Variants in TRMT11 observed in about 807,000 individuals in gnomAD.
TRMT11 encodes the protein tRNA (guanine(10)-N(2))-methyltransferase TRMT11.
Under a neutral mutation model 62.8 loss-of-function variants are expected in TRMT11, and 53 were observed. The observed-to-expected ratio is 0.84, with a 90% CI of 0.68 to 1.06. The LOEUF is 1.06. Among genes scored for constraint, TRMT11 ranks in the 50% least tolerant of loss-of-function variants. TRMT11 has a pLI of 0.00. For synonymous variants in TRMT11, 188 were observed against 190.3 expected, an observed-to-expected ratio of 0.99 and a Z score of 0.10; for missense variants, 556 against 553.4, an observed-to-expected ratio of 1.00 and a Z score of -0.05.
intron 7 of TRMT11, among the ~76,000 whole-genome samples, chr6:126,005,829 C>G (rs756009496): frequency 2.6e-5 from 4 of 151,990 alleles, no homozygotes; most frequent in Non-Finnish European, 5.9e-5. Flanking sequence ...AGCCGTAGAT[C>G]TGATCCCCTC....
intron 18 of TRMT11, among the ~76,000 whole-genome samples, chr6:126,114,061 A>G (rs570918561): frequency 6.6e-6 from 1 of 152,196 alleles, no homozygotes; most frequent in East Asian, 1.9e-4. Flanking sequence ...ATATTTTAAA[A>G]TAGGATAGAG....
chr6:126,151,826 C>CTTTCTT (rs1554242226), intron 21 of TRMT11, among the ~76,000 whole-genome samples: 2 of 76,132 alleles, frequency 2.6e-5, no homozygotes, highest in African/African-American at 6.7e-5. Context: ...TTCTTTCTTT[C>CTTTCTT]TTTCTTTCTT....
Position 125,998,250 on chromosome 6 carries a change from TATAAA to T in TRMT11, c.328_332del (p.Ile110AspfsTer5). The T allele has an allele frequency of 6.2e-7, 1 of 1,600,812 alleles. No homozygotes were observed. The highest frequency in any genetic ancestry group is 8.6e-7 in the Non-Finnish European group (1 of 1,168,678). ...TCCATTTCTACATTCGGACTCTACATATAAAATAAAGATTCACACTTTTAATAAGA... is the reference window on the plus strand; with the variant it reads ...TCCATTTCTACATTCGGACTCTACATATAAAGATTCACACTTTTAATAAGA... On this transcript the variant is annotated frameshift_variant, in exon 5 of 13. Transcript: ENST00000334379. LOFTEE classifies it high-confidence loss of function.
chr6:126,091,856 G>A (rs558439537), intron 17 of TRMT11, among the ~76,000 whole-genome samples: 1 of 152,116 alleles, frequency 6.6e-6, no homozygotes, highest in Non-Finnish European at 1.5e-5. Flanking sequence ...TTTTCTGGCC[G>A]TAAAATCGCC....
chr6:126,053,957 T>G (rs1776294059), intron 17 of TRMT11, among the ~76,000 whole-genome samples: 1 of 152,040 alleles, frequency 6.6e-6, no homozygotes, highest in Non-Finnish European at 1.5e-5. Context: ...GAAAAGCATA[T>G]TTGGGTAACA....
At chr6:126,200,157 A>G (rs905737723) in intron 3 of TRMT11, among the ~76,000 whole-genome samples, 3 of 152,220 alleles carry the variant, frequency 2.0e-5, no homozygotes, top group Non-Finnish European at 2.9e-5. Context: ...AAAACAGAGA[A>G]GAACAGAAAG....
the TRMT11 span, among the ~76,000 whole-genome samples, chr6:126,244,948 A>G: frequency 6.6e-6 from 1 of 152,182 alleles, no homozygotes; most frequent in Non-Finnish European, 1.5e-5. Context: ...AAATTATGTA[A>G]AATATTCAAT....
At chr6:126,013,652 C>T (rs554905225) in intron 11 of TRMT11, among the ~76,000 whole-genome samples, 1 of 152,254 alleles carries the variant, frequency 6.6e-6, no homozygotes, top group East Asian at 1.9e-4. Flanking sequence ...TGGTCCTCAG[C>T]CTGTGTTTAT....
At position 126,012,875 on chromosome 6, in the gene TRMT11, G is replaced by A. The variant is rs1290104787; in HGVS notation, c.1007+23G>A. 8.1e-6 allele frequency: 13 copies of A among 1,609,460 alleles called. No individual in the cohort carries two copies. In the Admixed American group the frequency reaches 1.0e-4, roughly 12 times the overall value. On this transcript the variant is annotated intron_variant, in intron 10 of 12. Transcript: ENST00000334379. Reference sequence around the variant, plus strand: ...ATGGTAAGTGAAATTTAAATATGATGTGTTACTACCTTGAGAAGAGGCATG... The same window carrying A: ...ATGGTAAGTGAAATTTAAATATGATATGTTACTACCTTGAGAAGAGGCATG...
chr6:126,011,399 G>C lies in TRMT11; in HGVS notation c.907G>C (p.Asp303His), dbSNP rs777630466. ...TTCCTGGAGGAAGGGCACATATTTT[G>C]ATGCAATCATTACTGATCGTAAGTT... is the stretch of plus-strand genomic sequence containing the variant. ...KPSWRKGTYF[D>H]AIITDPPYGI... is the part of the protein sequence containing the mutation. The change falls in exon 9 of 13, where the codon GAT (aspartate) becomes CAT (histidine). Residue 303 changes from aspartate (D) to histidine (H), a missense_variant. Physicochemically the swap from Asp to His is moderately conservative, Grantham distance 81. Transcript: ENST00000334379. The C allele has an allele frequency of 3.7e-5, 60 of 1,612,572 alleles. No homozygotes were observed. The highest frequency in any genetic ancestry group is 4.7e-5 in the Non-Finnish European group (56 of 1,179,286).
intron 17 of TRMT11, among the ~76,000 whole-genome samples, chr6:126,087,633 C>A (rs778943933): frequency 6.6e-5 from 10 of 152,262 alleles, no homozygotes; most frequent in Admixed American, 3.9e-4. Context: ...TGTTTGTTCA[C>A]GTGCCACACA....
chr6:126,152,452 A>G (rs577610368), intron 21 of TRMT11, among the ~76,000 whole-genome samples: 1 of 152,272 alleles, frequency 6.6e-6, no homozygotes, highest in South Asian at 2.1e-4. Context: ...TGGTTTGGGA[A>G]GTCACTGCCC....
At chr6:126,014,844 T>A (rs1175399809) in intron 11 of TRMT11, among the ~76,000 whole-genome samples, 2 of 152,154 alleles carry the variant, frequency 1.3e-5, no homozygotes, top group Non-Finnish European at 2.9e-5. Flanking sequence ...ATGACCTATC[T>A]AAAGTTAAAA....
the TRMT11 span, among the ~76,000 whole-genome samples, chr6:126,224,460 G>T: frequency 1.3e-5 from 2 of 152,190 alleles, no homozygotes; most frequent in Non-Finnish European, 1.5e-5. Flanking sequence ...ATGCCGGGGG[G>T]CTGGGACCAG....
intron 21 of TRMT11, among the ~76,000 whole-genome samples, chr6:126,168,617 C>G (rs1778295044): frequency 6.6e-6 from 1 of 152,200 alleles, no homozygotes; most frequent in African/African-American, 2.4e-5. Context: ...CTCCTGGGTT[C>G]AAGCGATTCT....
chr6:126,082,313 G>A (rs1049315967), intron 17 of TRMT11, among the ~76,000 whole-genome samples: 1 of 151,672 alleles, frequency 6.6e-6, no homozygotes, highest in Non-Finnish European at 1.5e-5. Context: ...TTGCTGTAAT[G>A]TAATATACTG....
chr6:126,160,603 C>A (rs2128228185), intron 21 of TRMT11, among the ~76,000 whole-genome samples: 1 of 152,158 alleles, frequency 6.6e-6, no homozygotes, highest in East Asian at 1.9e-4. Flanking sequence ...ACTCTCCTTC[C>A]CTCAGCATAA....
chr6:126,258,790 G>T, the TRMT11 span, among the ~76,000 whole-genome samples: 1 of 151,268 alleles, frequency 6.6e-6, no homozygotes, highest in Non-Finnish European at 1.5e-5. Flanking sequence ...TCTCAATTTT[G>T]TTTTTTTAAA....
intron 21 of TRMT11, among the ~76,000 whole-genome samples, chr6:126,150,427 T>C (rs1326923010): frequency 6.6e-6 from 1 of 152,182 alleles, no homozygotes; most frequent in East Asian, 1.9e-4. Flanking sequence ...CAAGATGAAA[T>C]TGTTTCATCT....
Sources: gnomAD v4.1 joint callset for allele counts (sites outside exome capture counted in the v4.1 genomes callset) on GRCh38, gnomAD v4.1.1 for gene constraint, MANE v1.5 for transcripts, NCBI Gene and HGNC (gene_info 2026-07-23, HGNC 2026-07-21) for gene names.